Variants in ANKH observed in about 807,000 individuals in gnomAD.
The protein encoded by ANKH is mineralization regulator ANKH.
In ANKH, 15 loss-of-function variants were observed where a neutral mutation model predicts 49.0. The observed-to-expected ratio is 0.31, with a 90% confidence interval of 0.20 to 0.47. The LOEUF is 0.47. Among genes scored for constraint, ANKH ranks in the 20% least tolerant of loss-of-function variants. The probability of loss-of-function intolerance (pLI) is 1.00; values close to 1 mark genes in which losing one functional copy is unlikely to be tolerated. For missense variants in ANKH, 429 were observed against 652.0 expected, an observed-to-expected ratio of 0.66 and a Z score of 3.72; for synonymous variants, 273 against 260.0, an observed-to-expected ratio of 1.05 and a Z score of -0.48.
chr5:14,862,297 A>G (rs1446293368), intron 1 of ANKH, among the ~76,000 whole-genome samples: 1 of 152,238 alleles, frequency 6.6e-6, no homozygotes, highest in Non-Finnish European at 1.5e-5. Flanking sequence ...GAGAAACAGT[A>G]AATTCTGATG....
At chr5:14,750,236 C>T (rs1047917352) in intron 5 of ANKH, among the ~76,000 whole-genome samples, 4 of 152,162 alleles carry the variant, frequency 2.6e-5, no homozygotes, top group Non-Finnish European at 5.9e-5. Flanking sequence ...TGCAGAGAAA[C>T]CTAATGATGT....
intron 8 of ANKH, among the ~76,000 whole-genome samples, chr5:14,722,506 A>G (rs1021292176): frequency 1.3e-5 from 2 of 152,192 alleles, no homozygotes; most frequent in African/African-American, 4.8e-5. Flanking sequence ...CATCTATGGT[A>G]CAAGAAGGAA....
chr5:14,767,108 G>T (rs1298532138), intron 2 of ANKH, among the ~76,000 whole-genome samples: 2 of 152,194 alleles, frequency 1.3e-5, no homozygotes, highest in Non-Finnish European at 2.9e-5. Context: ...ATGGCTGGGG[G>T]GTGGAGAGAG....
rs576472902 is a variant in ANKH, at chr5:14,716,846, A to C, written c.1012-11T>G. 5.4e-4 allele frequency: 870 copies of C among 1,613,620 alleles called. 8 individuals are homozygous for C. The South Asian group carries it at 7.8e-3, about 15-fold the overall frequency. On this transcript the variant is annotated splice_polypyrimidine_tract_variant and intron_variant, in intron 8 of 11. Coordinates refer to ENST00000284268, the MANE Select transcript of ANKH (RefSeq NM_054027.6). ...CATCACGAAACAGAGCTGGGGAGAA[A>C]GACATCAAACAGGGTTGTGAGGAAA...
intron 4 of ANKH, among the ~76,000 whole-genome samples, chr5:14,754,247 G>A (rs1033590189): frequency 1.3e-5 from 2 of 152,130 alleles, no homozygotes; most frequent in Admixed American, 1.3e-4. Context: ...ATGGCTGTAG[G>A]TGTATTGGCA....
intron 8 of ANKH, among the ~76,000 whole-genome samples, chr5:14,722,100 C>T (rs1235084314): frequency 6.6e-6 from 1 of 152,084 alleles, no homozygotes; most frequent in Non-Finnish European, 1.5e-5. Flanking sequence ...TTTAGAAGTT[C>T]CCTTGACAAA....
intron 1 of ANKH, chr5:14,870,552 C>T (rs572920260): frequency 6.5e-6 from 1 of 152,746 alleles, no homozygotes; most frequent in African/African-American, 2.4e-5. Flanking sequence ...ACCAAATCCT[C>T]TCCCCGGCCT....
At chr5:14,758,652 A>G in intron 2 of ANKH, 54 bp from the exon 3 acceptor site, 1 of 1,270,716 alleles carries the variant, frequency 7.9e-7, no homozygotes, top group Non-Finnish European at 1.2e-6. Flanking sequence ...ATATCTTTAT[A>G]TTCTTTTTGT....
rs903377609 is a variant in ANKH at position 14,708,184 on chromosome 5, G to C, written c.*3013C>G. On this transcript the variant is annotated 3_prime_UTR_variant, in exon 12 of 12. Transcript: ENST00000284268. ...GCACATTTAGGATGACGTCCCTTGT[G>C]CTACTCAAACAGGCCACCAAAGGAG... The C allele has an allele frequency of 4.6e-5, 7 of 152,206 alleles. No homozygotes were observed. The highest frequency in any genetic ancestry group is 1.7e-4 in the African/African-American group (7 of 41,446). 9.4% of individuals were successfully genotyped at this position (152,206 alleles called of 1,614,324 possible).
intron 7 of ANKH, among the ~76,000 whole-genome samples, chr5:14,744,763 G>A (rs1738476404): frequency 6.6e-6 from 1 of 152,224 alleles, no homozygotes; most frequent in African/African-American, 2.4e-5. Flanking sequence ...CCAGGTCCCT[G>A]CTCCGCAGGC....
chr5:14,850,033 C>T (rs56091207), intron 1 of ANKH, among the ~76,000 whole-genome samples: 481 of 152,318 alleles, frequency 3.2e-3, no homozygotes, highest in Non-Finnish European at 5.3e-3. Context: ...GGCAAAATCG[C>T]CTCACATAAA....
chr5:14,836,965 C>T (rs922010365), intron 1 of ANKH, among the ~76,000 whole-genome samples: 24 of 152,184 alleles, frequency 1.6e-4, no homozygotes, highest in Non-Finnish European at 3.2e-4. Context: ...AATAATACCA[C>T]ACATCTACAA....
intron 8 of ANKH, among the ~76,000 whole-genome samples, chr5:14,717,927 G>T (rs25986): frequency 0.94 from 143,734 of 152,234 alleles, 67,995 homozygotes; most frequent in African/African-American, 0.99. Context: ...ATTTTTGGAT[G>T]AGGCATACTC....
At chr5:14,749,053 T>C in intron 6 of ANKH, 119 bp downstream of exon 6, 1 of 1,406,636 alleles carries the variant, frequency 7.1e-7, no homozygotes, top group Middle Eastern at 2.5e-4. Context: ...AGTGTGACTG[T>C]CATGTAATTT....
At chr5:14,818,434 G>A (rs1479002330) in intron 1 of ANKH, among the ~76,000 whole-genome samples, 1 of 151,844 alleles carries the variant, frequency 6.6e-6, no homozygotes, top group Non-Finnish European at 1.5e-5. Flanking sequence ...CTGAGGTCAG[G>A]AGTTCGAGAC....
intron 8 of ANKH, among the ~76,000 whole-genome samples, chr5:14,735,651 T>G (rs1452366761): frequency 6.6e-6 from 1 of 152,138 alleles, no homozygotes; most frequent in Non-Finnish European, 1.5e-5. Flanking sequence ...TTCCAGGCCT[T>G]TCCTGGCTTC....
At chr5:14,738,484 C>G (rs2126461089) in intron 8 of ANKH, among the ~76,000 whole-genome samples, 1 of 152,182 alleles carries the variant, frequency 6.6e-6, no homozygotes, top group South Asian at 2.1e-4. Context: ...CTAACGTTGG[C>G]CAATGCGTGG....
At chr5:14,763,238 G>T (rs1194094032) in intron 2 of ANKH, among the ~76,000 whole-genome samples, 3 of 152,218 alleles carry the variant, frequency 2.0e-5, no homozygotes, top group Non-Finnish European at 4.4e-5. Context: ...ATGTTTAAAA[G>T]TCTCACAGGT....
At chr5:14,842,629 T>C (rs920576075) in intron 1 of ANKH, among the ~76,000 whole-genome samples, 1 of 152,124 alleles carries the variant, frequency 6.6e-6, no homozygotes, top group Non-Finnish European at 1.5e-5. Flanking sequence ...CCACAGAGTA[T>C]CAAAGCCCTT....
Sources: gnomAD v4.1 joint callset for allele counts (sites outside exome capture counted in the v4.1 genomes callset) on GRCh38, gnomAD v4.1.1 for gene constraint, MANE v1.5 for transcripts, NCBI Gene and HGNC (gene_info 2026-07-23, HGNC 2026-07-21) for gene names.